Variants in PRKAR1A observed in about 807,000 individuals in gnomAD.
PRKAR1A encodes cAMP-dependent protein kinase type I-alpha regulatory subunit.
A neutral mutation model predicts 52.0 loss-of-function variants in PRKAR1A; 3 were observed. That is an observed-to-expected ratio of 0.06 (90% CI 0.03 to 0.15). PRKAR1A has a LOEUF of 0.15. Among genes scored for constraint, PRKAR1A ranks in the 10% least tolerant of loss-of-function variants. The probability of loss-of-function intolerance (pLI) is 1.00; values close to 1 mark genes in which losing one functional copy is unlikely to be tolerated. For missense variants in PRKAR1A, 240 were observed against 477.4 expected, an observed-to-expected ratio of 0.50 and a Z score of 4.63; for synonymous variants, 188 against 168.4, an observed-to-expected ratio of 1.12 and a Z score of -0.90.
intron 3 of PRKAR1A, 82 bp from the exon 4 acceptor site, chr17:68,523,643 G>T (rs1600480817): frequency 9.6e-7 from 1 of 1,045,868 alleles, no homozygotes; most frequent in South Asian, 1.3e-5. Flanking sequence ...AATGTGGCTT[G>T]ACATTTAATT....
the PRKAR1A span, among the ~76,000 whole-genome samples, chr17:68,487,658 G>C: frequency 6.6e-6 from 1 of 151,922 alleles, no homozygotes; most frequent in Non-Finnish European, 1.5e-5. Context: ...AAAATTAGCC[G>C]GGACTGGTGG....
the PRKAR1A span, among the ~76,000 whole-genome samples, chr17:68,457,164 C>G: frequency 0.78 from 118,609 of 151,812 alleles, 46,769 homozygotes; most frequent in African/African-American, 0.85. Flanking sequence ...GTGGGGGGTG[C>G]GGCAAACCCC....
chr17:68,419,972 A>G, the PRKAR1A span, among the ~76,000 whole-genome samples: 1 of 152,198 alleles, frequency 6.6e-6, no homozygotes, highest in Admixed American at 6.5e-5. Context: ...AAACAAAAAC[A>G]GAAATGAAAA....
At chr17:68,508,063 G>T (rs2085219728), upstream of PRKAR1A, among the ~76,000 whole-genome samples, 2 of 144,360 alleles carry the variant, frequency 1.4e-5, no homozygotes, top group Admixed American at 1.5e-4. Context: ...TCAGTTGAAG[G>T]CCTTAAGAGA....
At chr17:68,433,589 A>G in the PRKAR1A span, 1 of 1,607,176 alleles carries the variant, frequency 6.2e-7, no homozygotes, top group Non-Finnish European at 8.5e-7. Context: ...CAAGCACAGC[A>G]ACACATGGGT....
the PRKAR1A span, among the ~76,000 whole-genome samples, chr17:68,486,542 TTTCTTTCTTTCTTTCTTTCTTTCTTTC>T: frequency 7.1e-6 from 1 of 140,392 alleles, no homozygotes; most frequent in African/African-American, 2.6e-5. Flanking sequence ...TCTTTCTTTC[TTTCTTTCTTTCTTTCTTTCTTTCTTTC>T]TTCTTTCCTT....
the PRKAR1A span, among the ~76,000 whole-genome samples, chr17:68,439,309 G>A: frequency 1.3e-4 from 20 of 152,256 alleles, no homozygotes; most frequent in East Asian, 3.9e-3. Context: ...GAAAAATAAA[G>A]TATTGATACA....
At chr17:68,486,526 T>C in the PRKAR1A span, among the ~76,000 whole-genome samples, 605 of 105,802 alleles carry the variant, frequency 5.7e-3, no homozygotes, top group Admixed American at 5.4e-3. Context: ...TCTTTCTTTC[T>C]TTCTTTCTTT....
chr17:68,426,253 G>GGGGGGT, the PRKAR1A span: 6 of 841,006 alleles, frequency 7.1e-6, 1 homozygote, highest in South Asian at 4.0e-5. Flanking sequence ...GGGGAGCGGG[G>GGGGGGT]GCTCAAATAA....
At chr17:68,486,507 T>TACC in the PRKAR1A span, among the ~76,000 whole-genome samples, 8 of 40,456 alleles carry the variant, frequency 2.0e-4, no homozygotes, top group Admixed American at 5.5e-4. Flanking sequence ...CCTTCCTTCC[T>TACC]TCTTTCTTTC....
chr17:68,517,685 T>G (rs535256503), intron 2 of PRKAR1A, among the ~76,000 whole-genome samples: 2 of 152,298 alleles, frequency 1.3e-5, no homozygotes, highest in South Asian at 4.1e-4. Flanking sequence ...GATTTGGGTG[T>G]GGACACAGCC....
chr17:68,493,815 AACTCCTG>A, the PRKAR1A span: 26 of 152,138 alleles, frequency 1.7e-4, no homozygotes, highest in African/African-American at 5.8e-4. Context: ...GCTGGTCTTG[AACTCCTG>A]ACCTCATGAT....
chr17:68,525,585 A>C (rs2085763959), intron 6 of PRKAR1A, among the ~76,000 whole-genome samples, 169 bp from the exon 7 acceptor site: 1 of 152,316 alleles, frequency 6.6e-6, no homozygotes, highest in Non-Finnish European at 1.5e-5. Flanking sequence ...TAACTCATTT[A>C]ACTCGTCAGA....
At chr17:68,542,832 C>A in intron 11 of PRKAR1A, 1 of 1,560,980 alleles carries the variant, frequency 6.4e-7, no homozygotes, top group Non-Finnish European at 8.8e-7. Flanking sequence ...AAGCTCTGTT[C>A]CATCTGAGGG....
Position 68,521,507 on chromosome 17 carries a change from A to G in PRKAR1A, c.178-1249A>G, listed in dbSNP as rs149250429. On this transcript the variant is annotated intron_variant, in intron 2 of 10. Transcript: ENST00000589228. ...CGGCCTCCCAAAGGGTTGTGATTAT[A>G]GGCGTAAGCCACTGTACCCAGTCAT... Among the ~76,000 whole-genome samples the G allele has an allele frequency of 4.9e-3, 752 of 152,370 alleles. 3 individuals carry two copies. The highest frequency in any genetic ancestry group is 0.017 in the African/African-American group (696 of 41,588).
chr17:68,457,405 G>GCGGCCT, the PRKAR1A span: 1 of 1,523,802 alleles, frequency 6.6e-7, no homozygotes, highest in Non-Finnish European at 8.8e-7. Flanking sequence ...GGGAGCGTCC[G>GCGGCCT]CGGCCTCGGC....
the PRKAR1A span, among the ~76,000 whole-genome samples, chr17:68,433,146 T>C: frequency 6.6e-6 from 1 of 152,292 alleles, no homozygotes; most frequent in Non-Finnish European, 1.5e-5. Context: ...ACTTTAGATC[T>C]GCAGACTCAT....
At chr17:68,433,760 GTTTTTTTTTTTTTTTTTTTTTTTTTT>G in the PRKAR1A span, among the ~76,000 whole-genome samples, 3 of 72,814 alleles carry the variant, frequency 4.1e-5, no homozygotes, top group Non-Finnish European at 7.0e-5. Context: ...AAGGGTCATA[GTTTTTTTTTTTTTTTTTTTTTTTTTT>G]TTTTTTTTTT....
At chr17:68,549,851 C>T (rs1436795681) in intron 11 of PRKAR1A, among the ~76,000 whole-genome samples, 1 of 152,206 alleles carries the variant, frequency 6.6e-6, no homozygotes, top group East Asian at 1.9e-4. Flanking sequence ...TTATAGCTCT[C>T]ATTTCAAAGG....
Sources: gnomAD v4.1 joint callset for allele counts (sites outside exome capture counted in the v4.1 genomes callset) on GRCh38, gnomAD v4.1.1 for gene constraint, MANE v1.5 for transcripts, NCBI Gene and HGNC (gene_info 2026-07-23, HGNC 2026-07-21) for gene names.